The following GABRA3 variants were observed in gnomAD, a reference collection of about 807,000 sequenced individuals.
GABRA3 encodes the protein gamma-aminobutyric acid type A receptor subunit alpha3.
A neutral mutation model predicts 30.1 loss-of-function variants in GABRA3; 10 were observed. The ratio of observed to expected loss-of-function variants is 0.33; its 90% CI spans 0.20 to 0.56. The LOEUF is 0.56. Ranked by LOEUF, GABRA3 falls within the 20% of genes least tolerant of loss-of-function variation. GABRA3 has a pLI of 0.89. For missense variants in GABRA3, 233 were observed against 392.0 expected (o/e 0.59, Z 3.42); for synonymous variants, 151 against 146.8 (o/e 1.03, Z -0.21).
intron 1 of GABRA3, among the ~76,000 whole-genome samples, chrX:152,428,477 CT>C (rs1005289361): frequency 5.7e-4 from 64 of 112,127 alleles, no homozygotes; most frequent in African/African-American, 1.7e-3. Flanking sequence ...TTCAGGCAAC[CT>C]GCCTTTATCT....
chrX:152,397,770 C>G (rs1276463363), intron 1 of GABRA3, among the ~76,000 whole-genome samples: 1 of 111,821 alleles, frequency 8.9e-6, no homozygotes, highest in African/African-American at 3.2e-5. Flanking sequence ...GTCTCTTCAA[C>G]TTCTCTCAGA....
At chrX:152,418,622 A>T (rs919576597) in intron 1 of GABRA3, among the ~76,000 whole-genome samples, 1 of 111,762 alleles carries the variant, frequency 8.9e-6, no homozygotes, top group Admixed American at 9.5e-5. Flanking sequence ...AGTAGAATAA[A>T]AGCAAGTTAA....
intron 9 of GABRA3, among the ~76,000 whole-genome samples, chrX:152,188,290 G>T (rs752600364): frequency 9.0e-6 from 1 of 111,289 alleles, no homozygotes; most frequent in Admixed American, 9.6e-5. Flanking sequence ...TAGATAAAAG[G>T]ACGATTTTAA....
intron 1 of GABRA3, among the ~76,000 whole-genome samples, chrX:152,445,060 CAAAAAAAAAAAA>C (rs1204814043): frequency 1.6e-4 from 3 of 18,722 alleles, no homozygotes; most frequent in East Asian, 3.1e-3. Flanking sequence ...GACTCCGTCT[CAAAAAAAAAAAA>C]AAAAAAAAAA....
intron 1 of GABRA3, among the ~76,000 whole-genome samples, chrX:152,442,712 G>T (rs747096796): frequency 9.0e-6 from 1 of 111,473 alleles, no homozygotes; most frequent in East Asian, 2.8e-4. Flanking sequence ...AAGAAATGAA[G>T]AATAGATAAA....
intron 3 of GABRA3, among the ~76,000 whole-genome samples, chrX:152,317,024 A>C (rs1381197682): frequency 1.8e-5 from 2 of 112,027 alleles, no homozygotes; most frequent in Admixed American, 9.5e-5. Flanking sequence ...ACTAATGTTG[A>C]ATGTAAATGG....
chrX:152,303,639 G>C (rs907498073), intron 3 of GABRA3, among the ~76,000 whole-genome samples: 6 of 111,871 alleles, frequency 5.4e-5, no homozygotes, highest in African/African-American at 1.9e-4. Context: ...CCATAAAAAT[G>C]AAAGAGTTTA....
chrX:152,322,849 T>G (rs1370886959), intron 3 of GABRA3, among the ~76,000 whole-genome samples: 2 of 77,466 alleles, frequency 2.6e-5, no homozygotes. Context: ...CTACTCTTTT[T>G]TTTTTTTTTT....
At chrX:152,170,970 A>G (rs781542350) in intron 9 of GABRA3, among the ~76,000 whole-genome samples, 3 of 112,202 alleles carry the variant, frequency 2.7e-5, no homozygotes, top group Non-Finnish European at 5.6e-5. Flanking sequence ...TAAATACTAC[A>G]TGGGACTCAC....
chrX:152,440,397 T>C (rs1569425473), intron 1 of GABRA3, among the ~76,000 whole-genome samples: 1 of 112,108 alleles, frequency 8.9e-6, no homozygotes, highest in East Asian at 2.8e-4. Context: ...TGTGGAGAAA[T>C]AGGAACGCTT....
At chrX:152,248,202 AT>A (rs1248307350) in intron 5 of GABRA3, among the ~76,000 whole-genome samples, 4 of 108,920 alleles carry the variant, frequency 3.7e-5, no homozygotes, top group African/African-American at 1.0e-4. Context: ...AGGGATTTCA[AT>A]TTAAAAAAAA....
chrX:152,177,536 A>T (rs1000571350), intron 9 of GABRA3, among the ~76,000 whole-genome samples: 5 of 109,336 alleles, frequency 4.6e-5, no homozygotes, highest in Admixed American at 3.9e-4. Context: ...ACACTAACAC[A>T]ATTAGCTGAC....
At chrX:152,198,874 A>G (rs941046808) in intron 7 of GABRA3, among the ~76,000 whole-genome samples, 1 of 112,037 alleles carries the variant, frequency 8.9e-6, no homozygotes, top group Non-Finnish European at 1.9e-5. Flanking sequence ...GTCCCTCAAA[A>G]AGATATGCTG....
At chrX:152,246,416 C>T (rs1213141864) in intron 5 of GABRA3, among the ~76,000 whole-genome samples, 2 of 111,585 alleles carry the variant, frequency 1.8e-5, no homozygotes, top group Non-Finnish European at 3.8e-5. Context: ...TTTTTCCTCC[C>T]CACCTTCCAG....
chrX:152,361,876 C>T (rs1239456473), intron 2 of GABRA3, among the ~76,000 whole-genome samples: 1 of 111,975 alleles, frequency 8.9e-6, no homozygotes, highest in Admixed American at 9.5e-5. Flanking sequence ...ATATGCAATA[C>T]ATTTTTAGAA....
At chrX:152,388,506 G>A (rs749131541) in intron 1 of GABRA3, among the ~76,000 whole-genome samples, 4 of 111,921 alleles carry the variant, frequency 3.6e-5, no homozygotes, top group African/African-American at 1.3e-4. Context: ...TTCACAATGC[G>A]TAAGTTGACA....
intron 1 of GABRA3, among the ~76,000 whole-genome samples, chrX:152,403,775 A>T (rs1327718920): frequency 1.8e-5 from 2 of 110,746 alleles, no homozygotes; most frequent in Non-Finnish European, 3.8e-5. Flanking sequence ...GAAAGCAATG[A>T]TTAAGAGACA....
Position 152,213,993 on chromosome X carries a change from A to G in GABRA3, c.635-5849T>C, listed in dbSNP as rs900414588. ...GTTAAACTGATATATTGTGTAGTGG[A>G]CAAGTCTGAGCTTTTAGTGTACCCA... is the stretch of plus-strand genomic sequence containing the variant. On this transcript the variant is annotated intron_variant, in intron 6 of 9. Transcript: ENST00000370314. Among the ~76,000 whole-genome samples the G allele has an allele frequency of 3.6e-5, 4 of 110,987 alleles. No homozygotes were observed. The East Asian group carries it at 8.5e-4, about 24-fold the overall frequency.
At chrX:152,234,871 T>A (rs753574330) in intron 5 of GABRA3, among the ~76,000 whole-genome samples, 261 of 112,174 alleles carry the variant, frequency 2.3e-3, no homozygotes, top group African/African-American at 8.1e-3. Context: ...TGGGTTAGTA[T>A]AGCCTTGTAG....
Sources: gnomAD v4.1 joint callset for allele counts (sites outside exome capture counted in the v4.1 genomes callset) on GRCh38, gnomAD v4.1.1 for gene constraint, MANE v1.5 for transcripts, NCBI Gene and HGNC (gene_info 2026-07-23, HGNC 2026-07-21) for gene names.